TYRP1: variants seen among roughly 807,000 people sequenced by gnomAD.
TYRP1 encodes tyrosinase related protein 1, also known as 5,6-dihydroxyindole-2-carboxylic acid oxidase.
In TYRP1, 49 loss-of-function variants were observed where a neutral mutation model predicts 42.8. The observed-to-expected ratio is 1.14, with a 90% CI of 0.91 to 1.45. The LOEUF (loss-of-function observed/expected upper bound fraction) is 1.45. TYRP1 is among the 40% of genes most tolerant of loss of function. TYRP1 has a pLI of 0.00. For missense variants in TYRP1, 848 were observed against 662.0 expected (o/e 1.28, Z -3.08); for synonymous variants, 279 against 235.4 (o/e 1.19, Z -1.69).
chr9:12,707,008 A>T (rs1818269275), intron 6 of TYRP1, among the ~76,000 whole-genome samples: 1 of 152,004 alleles, frequency 6.6e-6, no homozygotes, highest in African/African-American at 2.4e-5. Context: ...GGTTCCTTTC[A>T]TTAGACATGA....
In TYRP1 at chr9:12,710,152, C is replaced by G. The variant is rs1382017688; in HGVS notation, c.*970C>G. 1.3e-5 allele frequency: 2 copies of G among 151,564 alleles called. No homozygotes were observed. Among genetic ancestry groups the G allele is most frequent in the African/African-American group, 4.8e-5 (2 of 41,348 alleles). 9.4% of individuals were successfully genotyped at this position (151,564 alleles called of 1,614,324 possible). Reference sequence around the variant, plus strand: ...TGCTATTTTTTCCCTTCTCTTCTAACATGAAATATATTTTCTCTTTTTGAT... The same window carrying G: ...TGCTATTTTTTCCCTTCTCTTCTAAGATGAAATATATTTTCTCTTTTTGAT... On this transcript the variant is annotated 3_prime_UTR_variant, in exon 8 of 8. Coordinates refer to ENST00000388918, the MANE Select transcript of TYRP1 (RefSeq NM_000550.3).
Position 12,702,659 on chromosome 9 carries a change from T to A in TYRP1, c.1081+221T>A, listed in dbSNP as rs62540177. Among the ~76,000 whole-genome samples, 624 of 152,102 alleles carry A rather than the reference T, an allele frequency of 4.1e-3. 1 individual carries two copies. The highest frequency in any genetic ancestry group is 6.2e-3 in the Non-Finnish European group (420 of 67,968). ...TCATTATAGGTGAAGCCCTTGGAAA[T>A]CATGCTCTAATTTCTTAAACACCCA... is the stretch of plus-strand genomic sequence containing the variant. On this transcript the variant is annotated intron_variant, in intron 5 of 7. Coordinates refer to ENST00000388918, the MANE Select transcript of TYRP1 (RefSeq NM_000550.3).
intron 4 of TYRP1, chr9:12,700,322 C>A (rs1818145420): frequency 1.3e-5 from 2 of 151,914 alleles, no homozygotes; most frequent in Non-Finnish European, 2.9e-5. Flanking sequence ...TATTCCATAC[C>A]CATGTCTTCA....
chr9:12,705,875 T>C (rs1023372998), intron 6 of TYRP1, among the ~76,000 whole-genome samples: 2 of 151,968 alleles, frequency 1.3e-5, no homozygotes, highest in Non-Finnish European at 2.9e-5. Flanking sequence ...GTTATTGCAG[T>C]TTCATCTCAT....
At chr9:12,707,576 A>G (rs1009269135) in intron 6 of TYRP1, 4 of 178,564 alleles carry the variant, frequency 2.2e-5, no homozygotes, top group Non-Finnish European at 4.6e-5. Flanking sequence ...GGGTCTGGGG[A>G]GAGAGTGGTG....
intron 3 of TYRP1, among the ~76,000 whole-genome samples, chr9:12,696,281 C>T (rs921955958): frequency 6.6e-6 from 1 of 152,106 alleles, no homozygotes; most frequent in East Asian, 1.9e-4. Context: ...CGATGATTCC[C>T]TCCAACATGG....
At position 12,698,543 on chromosome 9, in the gene TYRP1, A is replaced by C; in HGVS notation, c.801A>C (p.Gly267=). 1 of 1,613,838 alleles carries C rather than the reference A, an allele frequency of 6.2e-7. No individual in the cohort carries two copies. Among genetic ancestry groups the C allele is most frequent in the East Asian group, 2.2e-5 (1 of 44,850 alleles). ...VCDICTDDLM[G]SRSNFDSTLI... ...ATATCTGCACGGATGACTTGATGGG[A>C]TCCAGAAGCAACTTTGATTCCACTC... Residue 267 remains glycine (G), a synonymous_variant, in exon 4 of 8, where the codon GGA becomes GGC. Coordinates refer to ENST00000388918, the MANE Select transcript of TYRP1 (RefSeq NM_000550.3).
chr9:12,695,153 G>A (rs1277425348), intron 2 of TYRP1, among the ~76,000 whole-genome samples: 1 of 151,936 alleles, frequency 6.6e-6, no homozygotes, highest in Non-Finnish European at 1.5e-5. Context: ...TAACTACTAT[G>A]TTATATCACC....
At chr9:12,697,898 T>A (rs1005677588) in intron 3 of TYRP1, among the ~76,000 whole-genome samples, 5 of 152,160 alleles carry the variant, frequency 3.3e-5, no homozygotes, top group Non-Finnish European at 7.4e-5. Context: ...ATAAAACACC[T>A]TCCGTGCTCA....
At chr9:12,695,418 A>G in intron 2 of TYRP1, 97 bp from the exon 3 acceptor site, 2 of 1,097,052 alleles carry the variant, frequency 1.8e-6, no homozygotes, top group East Asian at 2.4e-5. Flanking sequence ...GAACAGATGG[A>G]TAAATGGGTC....
chr9:12,708,968 T>G lies in TYRP1; in HGVS notation c.1409-9T>G. 1.2e-6 allele frequency: 2 copies of G among 1,610,914 alleles called. No individual in the cohort carries two copies. Among genetic ancestry groups the G allele is most frequent in the Non-Finnish European group, 1.7e-6 (2 of 1,177,830 alleles). On this transcript the variant is annotated splice_polypyrimidine_tract_variant and intron_variant, in intron 7 of 7. Coordinates refer to ENST00000388918, the MANE Select transcript of TYRP1 (RefSeq NM_000550.3). ...TTGTCTTTTTATTTTTATCTTCCTT[T>G]CCAAATAGGTCGGGAGTTTAGTGTA...
Position 12,709,437 on chromosome 9 carries a change from A to C in TYRP1, c.*255A>C, listed in dbSNP as rs1161543666. ...CATGATATTTAAGGATAGTGTGAAG[A>C]TCTTTGGCATGATTTAAAGGTTGAG... On this transcript the variant is annotated 3_prime_UTR_variant, in exon 8 of 8. Coordinates refer to ENST00000388918, the MANE Select transcript of TYRP1 (RefSeq NM_000550.3). 4.1e-6 allele frequency: 2 copies of C among 484,936 alleles called. No homozygotes were observed. Among genetic ancestry groups the C allele is most frequent in the Admixed American group, 3.3e-5 (1 of 30,102 alleles). 30.0% of individuals were successfully genotyped at this position (484,936 alleles called of 1,614,324 possible).
chr9:12,707,590 G>A, intron 6 of TYRP1: 1 of 183,512 alleles, frequency 5.4e-6, no homozygotes. Flanking sequence ...AGTGGTGAGA[G>A]ATAGTAAGGT....
intron 4 of TYRP1, among the ~76,000 whole-genome samples, chr9:12,702,038 C>G (rs1818177189): frequency 6.6e-6 from 1 of 151,732 alleles, no homozygotes; most frequent in Admixed American, 6.6e-5. Context: ...TAGTGTGATT[C>G]TTTTTTTTCC....
Position 12,704,582 on chromosome 9 carries a change from G to A in TYRP1, c.1138G>A (p.Ala380Thr). ...TGCTGTTCGAAGTCTTCACAATTTG[G>A]CTCATCTATTCCTGAATGGAACAGG... is the stretch of plus-strand genomic sequence containing the variant. ...DPAVRSLHNL[A>T]HLFLNGTGGQ... is the part of the protein sequence containing the mutation. The change falls in exon 6 of 8, where the codon GCT becomes ACT. Residue 380 changes from alanine to threonine, a missense_variant. Ala to Thr is a moderately conservative substitution (Grantham distance 58). Coordinates refer to ENST00000388918, the MANE Select transcript of TYRP1 (RefSeq NM_000550.3). 6.2e-7 allele frequency: 1 copy of A among 1,612,988 alleles called. No homozygotes were observed. The highest frequency in any genetic ancestry group is 1.3e-5 in the African/African-American group (1 of 74,902).
rs377110547 is a variant in TYRP1, at chr9:12,695,495, T to G, written c.386-20T>G. On this transcript the variant is annotated intron_variant, in intron 2 of 7. Coordinates refer to ENST00000388918, the MANE Select transcript of TYRP1 (RefSeq NM_000550.3). Reference sequence around the variant, plus strand: ...CCCGCAAGGCAGATGTTTTCATGCTTGAATTTTGTATCCCTAAAGTCAGGA... The same window carrying G: ...CCCGCAAGGCAGATGTTTTCATGCTGGAATTTTGTATCCCTAAAGTCAGGA... 1 of 1,613,418 alleles carries G rather than the reference T, an allele frequency of 6.2e-7. No homozygotes were observed. Among genetic ancestry groups the G allele is most frequent in the Non-Finnish European group, 8.5e-7 (1 of 1,179,570 alleles).
chr9:12,693,716 T>G (rs1340029796), intron 1 of TYRP1, among the ~76,000 whole-genome samples, 196 bp from the exon 2 acceptor site: 1 of 151,372 alleles, frequency 6.6e-6, no homozygotes, highest in East Asian at 1.9e-4. Flanking sequence ...ATTTAATTAT[T>G]TGGGTATCAC....
At chr9:12,705,369 T>G (rs925859521) in intron 6 of TYRP1, among the ~76,000 whole-genome samples, 2 of 152,034 alleles carry the variant, frequency 1.3e-5, no homozygotes, top group African/African-American at 2.4e-5. Context: ...CATTCTAAAT[T>G]TTGGCTTTTG....
At chr9:12,707,086 G>T (rs897762293) in intron 6 of TYRP1, among the ~76,000 whole-genome samples, 6 of 151,832 alleles carry the variant, frequency 4.0e-5, no homozygotes, top group Non-Finnish European at 7.4e-5. Flanking sequence ...TAACATTTCT[G>T]ATCTATATAC....
Sources: gnomAD v4.1 joint callset for allele counts (sites outside exome capture counted in the v4.1 genomes callset) on GRCh38, gnomAD v4.1.1 for gene constraint, MANE v1.5 for transcripts, NCBI Gene and HGNC (gene_info 2026-07-23, HGNC 2026-07-21) for gene names.